KLHL29: variants seen among roughly 807,000 people sequenced by gnomAD.
The protein encoded by KLHL29 is kelch-like protein 29.
Under a neutral mutation model 80.4 loss-of-function variants are expected in KLHL29, and 21 were observed. That is an observed-to-expected ratio of 0.26 (90% CI 0.19 to 0.38). KLHL29 has a LOEUF of 0.38. Ranked by LOEUF, KLHL29 falls within the 10% of genes least tolerant of loss-of-function variation. The pLI, the probability that KLHL29 is intolerant of heterozygous loss-of-function variation, is 1.00. For synonymous variants in KLHL29, 511 were observed against 526.8 expected (o/e 0.97, Z 0.41); for missense variants, 867 against 1,223.9 (o/e 0.71, Z 4.35).
intron 6 of KLHL29, among the ~76,000 whole-genome samples, chr2:23,685,920 G>C (rs910391213): frequency 6.6e-6 from 1 of 152,232 alleles, no homozygotes; most frequent in Non-Finnish European, 1.5e-5. Context: ...GGACAGAAAG[G>C]GGGCAGGTCA....
chr2:23,704,068 C>T (rs562179355), intron 13 of KLHL29, among the ~76,000 whole-genome samples: 6 of 152,328 alleles, frequency 3.9e-5, no homozygotes, highest in South Asian at 2.1e-4. Context: ...AGCCCAACCC[C>T]GGGGCTCCAG....
chr2:23,482,867 T>C (rs1010527199), intron 2 of KLHL29, among the ~76,000 whole-genome samples: 4 of 133,336 alleles, frequency 3.0e-5, no homozygotes, highest in South Asian at 2.5e-4. Flanking sequence ...ATTCATTCAT[T>C]CATCCATCAC....
At chr2:23,394,494 A>G (rs1178383522) in intron 1 of KLHL29, among the ~76,000 whole-genome samples, 1 of 152,240 alleles carries the variant, frequency 6.6e-6, no homozygotes, top group Non-Finnish European at 1.5e-5. Flanking sequence ...GCCCAAGTTC[A>G]GATCAACAAA....
intron 1 of KLHL29, among the ~76,000 whole-genome samples, chr2:23,403,458 C>T (rs934237137): frequency 1.3e-5 from 2 of 152,158 alleles, no homozygotes; most frequent in African/African-American, 4.8e-5. Context: ...CATGCTGGGG[C>T]TCCAGTAAGA....
chr2:23,621,330 G>A (rs1669177547), intron 3 of KLHL29, among the ~76,000 whole-genome samples: 1 of 152,220 alleles, frequency 6.6e-6, no homozygotes, highest in Non-Finnish European at 1.5e-5. Flanking sequence ...TCTCACATGA[G>A]GCCTAGCAGG....
intron 1 of KLHL29, among the ~76,000 whole-genome samples, chr2:23,454,049 T>G (rs1015908563): frequency 2.5e-4 from 38 of 152,206 alleles, no homozygotes; most frequent in African/African-American, 8.9e-4. Flanking sequence ...GGAGGCCAGG[T>G]CTGCTTTGAA....
At chr2:23,537,426 A>G (rs1243624926) in intron 2 of KLHL29, among the ~76,000 whole-genome samples, 3 of 6,424 alleles carry the variant, frequency 4.7e-4, no homozygotes, top group Non-Finnish European at 6.7e-4. Context: ...CTACACACAC[A>G]CACACACACA....
intron 1 of KLHL29, among the ~76,000 whole-genome samples, chr2:23,468,012 A>G (rs749694214): frequency 9.9e-5 from 15 of 151,996 alleles, no homozygotes; most frequent in East Asian, 1.9e-4. Context: ...TTGTTCTTCA[A>G]TGAGCAGGCA....
At chr2:23,561,607 G>T (rs941438354) in intron 2 of KLHL29, among the ~76,000 whole-genome samples, 1 of 152,166 alleles carries the variant, frequency 6.6e-6, no homozygotes, top group Admixed American at 6.5e-5. Context: ...AACCTCAAGG[G>T]ATAACTTATT....
rs965550892 is a variant in KLHL29, at chr2:23,457,122, A to G, written c.-153-18438A>G. On this transcript the variant is annotated intron_variant, in intron 1 of 13. Coordinates refer to ENST00000486442, the MANE Select transcript of KLHL29 (RefSeq NM_052920.2). The surrounding 1 kb of genome is among the most constrained non-coding windows in gnomAD (Gnocchi z 4.3). ...GCCCTGTGCCTTCCCGACGCCGGGG[A>G]CTGGAGCTAGAGGCATCTGGTGACA... Among the ~76,000 whole-genome samples the G allele has an allele frequency of 1.7e-4, 26 of 152,192 alleles. No individual in the cohort carries two copies. The highest frequency in any genetic ancestry group is 6.3e-4 in the African/African-American group (26 of 41,462).
chr2:23,514,419 G>A (rs1286778697), intron 2 of KLHL29, among the ~76,000 whole-genome samples: 3 of 152,156 alleles, frequency 2.0e-5, no homozygotes, highest in African/African-American at 7.2e-5. Context: ...GTGGGCAGAC[G>A]CCGGCCCCAC....
chr2:23,622,223 G>A (rs561963807), intron 3 of KLHL29, among the ~76,000 whole-genome samples: 1 of 152,124 alleles, frequency 6.6e-6, no homozygotes. Context: ...ATGCCCTGTT[G>A]TTCTGACCCC....
At chr2:23,388,966 CCT>C (rs144420090) in intron 1 of KLHL29, among the ~76,000 whole-genome samples, 1,686 of 144,128 alleles carry the variant, frequency 0.012, 37 homozygotes, top group African/African-American at 0.042. Context: ...TTGCTTCCTT[CCT>C]TTTTTTCTTT....
chr2:23,658,157 C>T (rs1207506205), intron 5 of KLHL29, among the ~76,000 whole-genome samples: 3 of 152,076 alleles, frequency 2.0e-5, no homozygotes, highest in Non-Finnish European at 2.9e-5. Flanking sequence ...TGTCCTCCCC[C>T]ACCCTACTCA....
rs116769335 is a variant in KLHL29, at chr2:23,421,026, A to C, written c.-154+35246A>C. On this transcript the variant is annotated intron_variant, in intron 1 of 13. Transcript: ENST00000486442. ...TTAACATCTTCGCACACTAGTCCTC[A>C]CAGCAACCTTCTGGGAAGTAGGTAT... Among the ~76,000 whole-genome samples the C allele has an allele frequency of 2.0e-3, 306 of 152,204 alleles. 1 individual carries two copies. The highest frequency in any genetic ancestry group is 3.3e-3 in the Non-Finnish European group (223 of 67,976).
chr2:23,590,914 C>T (rs1030161200), intron 3 of KLHL29, among the ~76,000 whole-genome samples: 5 of 152,108 alleles, frequency 3.3e-5, no homozygotes, highest in East Asian at 1.9e-4. Context: ...AGGCCCTGAT[C>T]GCCACAGACG....
chr2:23,398,409 G>T lies in KLHL29; in HGVS notation c.-154+12629G>T, dbSNP rs199839293. Among the ~76,000 whole-genome samples the T allele has an allele frequency of 2.0e-5, 3 of 152,260 alleles. 1 individual carries two copies. In the East Asian group the frequency reaches 5.8e-4, roughly 29 times the overall value. ...CCACTTATATGAGGTACCTAGAGTA[G>T]TATGGATTGGATTCACAGACAGAGG... On this transcript the variant is annotated intron_variant, in intron 1 of 13. Transcript: ENST00000486442.
chr2:23,577,145 G>A (rs1168514619), intron 3 of KLHL29, among the ~76,000 whole-genome samples: 6 of 152,166 alleles, frequency 3.9e-5, no homozygotes, highest in Non-Finnish European at 7.4e-5. Flanking sequence ...GTGTCTCCAC[G>A]TGGCTCCATG....
At chr2:23,533,874 A>G (rs1666579514) in intron 2 of KLHL29, among the ~76,000 whole-genome samples, 2 of 152,126 alleles carry the variant, frequency 1.3e-5, no homozygotes, top group South Asian at 4.2e-4. Flanking sequence ...TTCAGAAAAA[A>G]CAAATTTACT....
Sources: gnomAD v4.1 joint callset for allele counts (sites outside exome capture counted in the v4.1 genomes callset) on GRCh38, gnomAD v4.1.1 for gene constraint, Gnocchi (gnomAD v3.1) non-coding constraint, MANE v1.5 for transcripts, NCBI Gene and HGNC (gene_info 2026-07-23, HGNC 2026-07-21) for gene names.